The following CACNA1D variants were observed in gnomAD, a reference collection of about 807,000 sequenced individuals.
CACNA1D encodes calcium voltage-gated channel subunit alpha1 D.
CACNA1D carries 55 observed loss-of-function variants against 257.1 expected under a neutral mutation model. The ratio of observed to expected loss-of-function variants is 0.21; its 90% CI spans 0.17 to 0.27. The LOEUF is 0.27. CACNA1D is among the 10% of genes least tolerant of loss of function. CACNA1D has a pLI of 1.00. For synonymous variants in CACNA1D, 980 were observed against 1,014.9 expected, an observed-to-expected ratio of 0.97 and a Z score of 0.65; for missense variants, 1,876 against 2,784.0, an observed-to-expected ratio of 0.67 and a Z score of 7.34.
intron 3 of CACNA1D, among the ~76,000 whole-genome samples, chr3:53,559,857 A>G (rs529901806): frequency 1.3e-5 from 2 of 152,270 alleles, no homozygotes; most frequent in South Asian, 2.1e-4. Flanking sequence ...CTTGAAGGTC[A>G]GGGAGAAAAA....
chr3:53,536,585 G>A (rs184118988), intron 3 of CACNA1D, among the ~76,000 whole-genome samples: 36 of 152,340 alleles, frequency 2.4e-4, no homozygotes, highest in African/African-American at 8.4e-4. Flanking sequence ...CACGGCCCCC[G>A]GGCCAACACG....
rs2095151707 is a variant in CACNA1D at position 53,744,808 on chromosome 3, A to G, written c.2987A>G (p.Asn996Ser). Residue 996 changes from asparagine (N) to serine (S), a missense_variant, in exon 23 of 48, where the codon AAC becomes AGC. Physicochemically the swap from Asn to Ser is conservative, Grantham distance 46. Coordinates refer to ENST00000350061, the MANE Select transcript of CACNA1D (RefSeq NM_001128840.3). ...LRVLRPLRAI[N>S]RAKGLKHVVQ... Reference sequence around the variant, plus strand: ...GTCCTGCGTCCCCTCAGGGCCATCAACAGAGCAAAAGGACTTAAGGTTTTG... The same window carrying G: ...GTCCTGCGTCCCCTCAGGGCCATCAGCAGAGCAAAAGGACTTAAGGTTTTG... 2 of 1,604,966 alleles carry G rather than the reference A, an allele frequency of 1.2e-6. No individual in the cohort carries two copies. The highest frequency in any genetic ancestry group is 8.5e-7 in the Non-Finnish European group (1 of 1,171,636).
intron 2 of CACNA1D, among the ~76,000 whole-genome samples, chr3:53,498,048 AT>A (rs751067366): frequency 6.6e-6 from 1 of 151,770 alleles, no homozygotes; most frequent in Non-Finnish European, 1.5e-5. Flanking sequence ...ATTACTTTTG[AT>A]TTTTTTTCTC....
At chr3:53,637,654 C>G (rs1207878723) in intron 3 of CACNA1D, among the ~76,000 whole-genome samples, 1 of 152,132 alleles carries the variant, frequency 6.6e-6, no homozygotes, top group Non-Finnish European at 1.5e-5. Context: ...TCTCTCTAGC[C>G]TCTGGGAGGT....
chr3:53,505,115 G>GTT (rs35938386), intron 3 of CACNA1D, among the ~76,000 whole-genome samples: 4,143 of 97,526 alleles, frequency 0.042, 394 homozygotes, highest in African/African-American at 0.13. Context: ...TTGTTTATTT[G>GTT]TTTTTTTTTT....
Position 53,776,943 on chromosome 3 carries a change from G to C in CACNA1D, c.4574G>C (p.Arg1525Thr). 6.2e-7 allele frequency: 1 copy of C among 1,613,630 alleles called. No homozygotes were observed. Among genetic ancestry groups the C allele is most frequent in the Non-Finnish European group, 8.5e-7 (1 of 1,179,518 alleles). Residue 1525 changes from arginine (R) to threonine (T), a missense_variant, in exon 37 of 48, where the codon AGG becomes ACG. Arg to Thr is a moderately conservative substitution (Grantham distance 71, BLOSUM62 -1). Transcript: ENST00000350061. ...GGGTTTGGGAAGTTATGTCCACACA[G>C]GGTAGCGTGCAAGGTGAGTGTCCTG... ...PLGFGKLCPHRVACKRLVAMN... is the reference protein window; with the variant it reads ...PLGFGKLCPHTVACKRLVAMN...
rs779207160 is a variant in CACNA1D at position 53,651,366 on chromosome 3, C to CTTTTTTTTTTTTTTTTTTTTTTTT, written c.623+470_623+471insTTTTTTTTTTTTTTTTTTTTTTTT. Among the ~76,000 whole-genome samples, 44 of 81,846 alleles carry CTTTTTTTTTTTTTTTTTTTTTTTT rather than the reference C, an allele frequency of 5.4e-4. 9 individuals are homozygous for CTTTTTTTTTTTTTTTTTTTTTTTT. Among genetic ancestry groups the CTTTTTTTTTTTTTTTTTTTTTTTT allele is most frequent in the East Asian group, 2.8e-3 (7 of 2,536 alleles). The allele number at this position is 81,846 out of a possible 152,430, so 53.7% of individuals were successfully genotyped here. ...TCCCTTGAGCAAAGCTATTAATTTT[C>CTTTTTTTTTTTTTTTTTTTTTTTT]TTTTTTTTTTTTTTTTTTTTTTGCT... On this transcript the variant is annotated intron_variant, in intron 4 of 47. Transcript: ENST00000350061.
At chr3:53,592,870 G>A (rs970420883) in intron 3 of CACNA1D, among the ~76,000 whole-genome samples, 5 of 152,104 alleles carry the variant, frequency 3.3e-5, no homozygotes, top group African/African-American at 9.7e-5. Flanking sequence ...TGTATTTTTA[G>A]TAGAGACGGG....
chr3:53,670,733 T>C lies in CACNA1D; in HGVS notation c.1117-2290T>C, dbSNP rs148934598. On this transcript the variant is annotated intron_variant, in intron 7 of 47. Coordinates refer to ENST00000350061, the MANE Select transcript of CACNA1D (RefSeq NM_001128840.3). ...ATGACACCCCTTGATGACTTTGATA[T>C]AAGTTTTTTAAAAATTAGTCTAAAT... Among the ~76,000 whole-genome samples, 106 of 152,336 alleles carry C rather than the reference T, an allele frequency of 7.0e-4. No homozygotes were observed. The East Asian group carries it at 0.017, about 25-fold the overall frequency.
intron 3 of CACNA1D, among the ~76,000 whole-genome samples, chr3:53,598,478 G>A (rs1440643093): frequency 1.3e-5 from 2 of 151,432 alleles, no homozygotes; most frequent in Non-Finnish European, 2.9e-5. Flanking sequence ...CCAGCTACTC[G>A]GGAGGCTGAG....
chr3:53,540,834 T>C (rs1051181276), intron 3 of CACNA1D, among the ~76,000 whole-genome samples: 9 of 152,054 alleles, frequency 5.9e-5, no homozygotes, highest in African/African-American at 2.2e-4. Context: ...CTCCGCCTCC[T>C]GGGTTCAAGC....
At chr3:53,511,067 A>C (rs2091085871) in intron 3 of CACNA1D, among the ~76,000 whole-genome samples, 1 of 152,116 alleles carries the variant, frequency 6.6e-6, no homozygotes, top group South Asian at 2.1e-4. Context: ...TACTGCCTTT[A>C]TGTCCCTGTT....
intron 3 of CACNA1D, among the ~76,000 whole-genome samples, chr3:53,600,687 A>C (rs1319844766): frequency 2.0e-5 from 3 of 152,238 alleles, no homozygotes; most frequent in Non-Finnish European, 4.4e-5. Context: ...TTCATCAGTT[A>C]CACAATTATT....
At chr3:53,630,415 G>A (rs191194254) in intron 3 of CACNA1D, among the ~76,000 whole-genome samples, 61 of 152,252 alleles carry the variant, frequency 4.0e-4, no homozygotes, top group Non-Finnish European at 7.2e-4. Flanking sequence ...TACTTCCAAT[G>A]GATTCAGCCT....
chr3:53,804,897 GGA>G, intron 44 of CACNA1D, 84 bp from the exon 45 acceptor site: 1 of 1,245,898 alleles, frequency 8.0e-7, no homozygotes, highest in Admixed American at 1.7e-5. Flanking sequence ...GAGGAGGCGG[GGA>G]GAGGAGTATG....
intron 8 of CACNA1D, among the ~76,000 whole-genome samples, chr3:53,688,704 CTCTAAG>C (rs1363633656): frequency 8.5e-5 from 13 of 152,206 alleles, no homozygotes; most frequent in Non-Finnish European, 1.9e-4. Flanking sequence ...AGCCTGATTT[CTCTAAG>C]TCTGACTGTC....
intron 3 of CACNA1D, among the ~76,000 whole-genome samples, chr3:53,509,593 CAG>C (rs1022940568): frequency 6.6e-5 from 10 of 152,256 alleles, no homozygotes; most frequent in Admixed American, 4.6e-4. Flanking sequence ...TGGAGGGAAT[CAG>C]GGGCTGACCC....
intron 3 of CACNA1D, among the ~76,000 whole-genome samples, chr3:53,638,473 C>T (rs1409570376): frequency 6.6e-6 from 1 of 152,164 alleles, no homozygotes; most frequent in Non-Finnish European, 1.5e-5. Flanking sequence ...GTGGCTGGGG[C>T]AGGGCAGTGA....
chr3:53,614,012 G>A lies in CACNA1D; in HGVS notation c.484-36767G>A, dbSNP rs144014600. On this transcript the variant is annotated intron_variant, in intron 3 of 47. Coordinates refer to ENST00000350061, the MANE Select transcript of CACNA1D (RefSeq NM_001128840.3). The stretch of plus-strand genomic sequence containing the variant: ...AGATAGGAATAGATAATAAGATACA[G>A]CTAGGTGTGCTGGCGCATACCTGTA... Among the ~76,000 whole-genome samples the A allele has an allele frequency of 9.9e-5, 15 of 151,720 alleles. 1 individual carries two copies. Among genetic ancestry groups the A allele is most frequent in the African/African-American group, 3.6e-4 (15 of 41,324 alleles).
Sources: allele counts gnomAD v4.1 joint callset (sites outside exome capture counted in the v4.1 genomes callset), GRCh38; gene constraint gnomAD v4.1.1; transcripts MANE v1.5; gene names NCBI Gene and HGNC (gene_info 2026-07-23, HGNC 2026-07-21).